Variants in CDC14B observed in about 807,000 individuals in gnomAD.
The protein encoded by CDC14B is cell division cycle 14B, also known as dual specificity protein phosphatase CDC14B.
A neutral mutation model predicts 64.2 loss-of-function variants in CDC14B; 22 were observed. The ratio of observed to expected loss-of-function variants is 0.34; its 90% confidence interval spans 0.24 to 0.49. CDC14B has a LOEUF of 0.49. CDC14B is among the 20% of genes least tolerant of loss of function. CDC14B has a pLI of 0.99. For synonymous variants in CDC14B, 191 were observed against 215.8 expected (o/e 0.89, Z 1.01); for missense variants, 498 against 629.9 (o/e 0.79, Z 2.24).
chr9:96,607,083 T>TAA (rs151122830), intron 1 of CDC14B, among the ~76,000 whole-genome samples: 11 of 151,216 alleles, frequency 7.3e-5, no homozygotes, highest in African/African-American at 2.4e-4. Flanking sequence ...GAGCTTTGAT[T>TAA]AAAAAAAACA....
intron 12 of CDC14B, among the ~76,000 whole-genome samples, chr9:96,518,471 C>T (rs185013821): frequency 1.6e-4 from 24 of 152,046 alleles, no homozygotes; most frequent in African/African-American, 4.3e-4. Context: ...GCCAAGATTA[C>T]GCCACTGTAC....
intron 1 of CDC14B, chr9:96,618,665 C>T (rs1588091325): frequency 1.9e-6 from 1 of 518,006 alleles, no homozygotes; most frequent in Non-Finnish European, 3.9e-6. Context: ...GCGGGAGGCC[C>T]AGGAGAGGGG....
intron 1 of CDC14B, among the ~76,000 whole-genome samples, chr9:96,597,366 C>T (rs530764174): frequency 2.6e-5 from 4 of 151,968 alleles, no homozygotes; most frequent in African/African-American, 7.2e-5. Flanking sequence ...TGGTGGCATG[C>T]GCCTGTGATC....
chr9:96,603,002 T>G (rs539248345), intron 1 of CDC14B, among the ~76,000 whole-genome samples: 27 of 152,206 alleles, frequency 1.8e-4, no homozygotes, highest in Middle Eastern at 3.4e-3. Context: ...TCCAGCCAGC[T>G]ACTGGATGGA....
At chr9:96,535,666 T>TA (rs1465622332) in intron 7 of CDC14B, among the ~76,000 whole-genome samples, 1 of 151,912 alleles carries the variant, frequency 6.6e-6, no homozygotes, top group Non-Finnish European at 1.5e-5. Flanking sequence ...TAAAAATGAG[T>TA]AAAAAATAAC....
In CDC14B at chr9:96,595,776, T is replaced by G. The variant is rs569276871; in HGVS notation, c.160+23443A>C. Among the ~76,000 whole-genome samples the G allele has an allele frequency of 1.3e-3, 204 of 152,260 alleles. 1 individual carries two copies. Among genetic ancestry groups the G allele is most frequent in the Middle Eastern group, 6.8e-3 (2 of 294 alleles). The stretch of plus-strand genomic sequence containing the variant: ...ATAGGAAATAAGTAGTGAGAGAAAG[T>G]AGATTCGTAGTTGCGCCTGGCTGGG... On this transcript the variant is annotated intron_variant, in intron 1 of 13. Transcript: ENST00000375241.
intron 9 of CDC14B, among the ~76,000 whole-genome samples, chr9:96,532,655 TTATTC>T (rs879771922): frequency 3.3e-5 from 5 of 152,162 alleles, no homozygotes; most frequent in Non-Finnish European, 5.9e-5. Flanking sequence ...GTTATGCTCT[TTATTC>T]TTTCTGTTCC....
exon 14 of CDC14B, chr9:96,491,030 C>T (rs1162798804): frequency 6.6e-6 from 1 of 152,266 alleles, no homozygotes; most frequent in African/African-American, 2.4e-5. Flanking sequence ...GGAGTCCCAC[C>T]CTGAACAGAG....
At chr9:96,557,900 C>T (rs957207998) in intron 4 of CDC14B, among the ~76,000 whole-genome samples, 1 of 152,154 alleles carries the variant, frequency 6.6e-6, no homozygotes, top group East Asian at 1.9e-4. Context: ...ACACAAAATG[C>T]TTGGCATTTA....
At chr9:96,509,634 C>T (rs766939577) in intron 13 of CDC14B, 39 bp downstream of exon 13, 10 of 1,267,132 alleles carry the variant, frequency 7.9e-6, no homozygotes, top group African/African-American at 2.9e-5. Context: ...GGAAAACAAA[C>T]GCTTGCAACT....
chr9:96,509,708 G>A lies in CDC14B; in HGVS notation c.1425C>T (p.Thr475=), dbSNP rs774905375. The change falls in exon 13 of 14, where the codon ACC becomes ACT. Residue 475 remains threonine, a synonymous_variant. Coordinates refer to ENST00000375241, the MANE Select transcript of CDC14B (RefSeq NM_033331.4). Reference sequence around the variant, plus strand: ...TGCTTTTCCTTGAAGCAGATCTGGTGGTTCTTTTAGTAATGCCTGCACTGC... The same window carrying A: ...TGCTTTTCCTTGAAGCAGATCTGGTAGTTCTTTTAGTAATGCCTGCACTGC... The part of the protein sequence containing the change: ...ISGSAGITKR[T]TRSASRKSSV... The A allele has an allele frequency of 1.7e-5, 27 of 1,611,240 alleles. No individual in the cohort carries two copies. The highest frequency in any genetic ancestry group is 1.8e-5 in the Non-Finnish European group (21 of 1,177,644).
At chr9:96,556,205 C>T (rs1288909465) in intron 4 of CDC14B, among the ~76,000 whole-genome samples, 1 of 152,114 alleles carries the variant, frequency 6.6e-6, no homozygotes, top group Admixed American at 6.6e-5. Flanking sequence ...GAAATTCCAG[C>T]AACAAATGTG....
At chr9:96,601,047 T>C (rs917162808) in intron 1 of CDC14B, among the ~76,000 whole-genome samples, 6 of 152,190 alleles carry the variant, frequency 3.9e-5, no homozygotes, top group African/African-American at 1.4e-4. Context: ...CACTACATTA[T>C]ATGAAATAGG....
intron 1 of CDC14B, among the ~76,000 whole-genome samples, chr9:96,577,668 T>A (rs1296407173): frequency 1.3e-5 from 2 of 152,128 alleles, no homozygotes; most frequent in Non-Finnish European, 2.9e-5. Context: ...TCTCCCTCTA[T>A]CCTGCAGCAT....
In CDC14B at chr9:96,517,643, C is replaced by CAAAAAAA. The variant is rs1016405679; in HGVS notation, c.1343+4856_1343+4862dup. On this transcript the variant is annotated intron_variant, in intron 12 of 13. Transcript: ENST00000375241. ...TGGGCGACAGAGCAAGACTCCGTCTCAAAAAAAAAAAAAAAAAAAAAGAAG... is the reference window on the plus strand; with the variant it reads ...TGGGCGACAGAGCAAGACTCCGTCTCAAAAAAAAAAAAAAAAAAAAAAAAAAAAGAAG... Among the ~76,000 whole-genome samples the CAAAAAAA allele has an allele frequency of 2.7e-3, 93 of 34,608 alleles. 4 individuals are homozygous for CAAAAAAA. Among genetic ancestry groups the CAAAAAAA allele is most frequent in the African/African-American group, 9.7e-3 (66 of 6,812 alleles). The allele number at this position is 34,608 out of a possible 152,430, so 22.7% of individuals were successfully genotyped here. A position where few individuals can be genotyped will look rare whatever the true frequency, so the allele number is the denominator to read the frequency against.
chr9:96,555,581 C>T (rs1358142558), intron 4 of CDC14B, among the ~76,000 whole-genome samples: 1 of 152,182 alleles, frequency 6.6e-6, no homozygotes, highest in African/African-American at 2.4e-5. Flanking sequence ...CAGTAGCACA[C>T]TCAATTTAAG....
chr9:96,505,184 TAA>T (rs751327969), intron 13 of CDC14B, among the ~76,000 whole-genome samples: 28 of 137,196 alleles, frequency 2.0e-4, no homozygotes, highest in Admixed American at 3.7e-4. Context: ...CTGTCTCATT[TAA>T]AAAAAAAAAA....
intron 12 of CDC14B, among the ~76,000 whole-genome samples, chr9:96,520,398 C>A (rs778085317): frequency 3.3e-5 from 5 of 152,156 alleles, no homozygotes; most frequent in African/African-American, 4.8e-5. Context: ...GTCACCCAGG[C>A]TGGATGCAGT....
intron 4 of CDC14B, among the ~76,000 whole-genome samples, chr9:96,562,189 G>A (rs866350551): frequency 6.6e-6 from 1 of 152,100 alleles, no homozygotes; most frequent in Non-Finnish European, 1.5e-5. Context: ...ACATCCCGTG[G>A]CCTCCTGCTA....
Sources: allele counts gnomAD v4.1 joint callset (sites outside exome capture counted in the v4.1 genomes callset), GRCh38; gene constraint gnomAD v4.1.1; transcripts MANE v1.5; gene names NCBI Gene and HGNC (gene_info 2026-07-23, HGNC 2026-07-21).